SHF: variants seen among roughly 807,000 people sequenced by gnomAD.
The protein encoded by SHF is Src homology 2 domain containing F.
In SHF, 30 loss-of-function variants were observed where a neutral mutation model predicts 42.4. That is an observed-to-expected ratio of 0.71 (90% CI 0.53 to 0.96). The LOEUF is 0.96. Among genes scored for constraint, SHF ranks in the 40% least tolerant of loss-of-function variants. The pLI is 0.00. For missense variants in SHF, 598 were observed against 634.0 expected (o/e 0.94, Z 0.61); for synonymous variants, 264 against 269.9 (o/e 0.98, Z 0.21).
In SHF at chr15:45,172,017, G is replaced by C; in HGVS notation, c.1161-15C>G. 2 of 1,613,914 alleles carry C rather than the reference G, an allele frequency of 1.2e-6. No homozygotes were observed. The highest frequency in any genetic ancestry group is 1.7e-6 in the Non-Finnish European group (2 of 1,179,842). Reference sequence around the variant, plus strand: ...CGTGATACCAGCTAAGGATGAGAGAGAGGAAGGGGGGCATCTCTGCTGGGT... The same window carrying C: ...CGTGATACCAGCTAAGGATGAGAGACAGGAAGGGGGGCATCTCTGCTGGGT... On this transcript the variant is annotated splice_polypyrimidine_tract_variant and intron_variant, in intron 5 of 6. Transcript: ENST00000690270.
At chr15:45,175,560 C>T in intron 2 of SHF, 135 bp from the exon 3 acceptor site, 1 of 852,084 alleles carries the variant, frequency 1.2e-6, no homozygotes, top group Non-Finnish European at 1.8e-6. Context: ...GCTCAGCAAC[C>T]ACACATCCTG....
Position 45,178,188 on chromosome 15 carries a change from T to C in SHF, c.617A>G (p.Tyr206Cys). 1 of 1,613,314 alleles carries C rather than the reference T, an allele frequency of 6.2e-7. No individual in the cohort carries two copies. The highest frequency in any genetic ancestry group is 8.5e-7 in the Non-Finnish European group (1 of 1,179,866). ...ACCGGCCATCATCTTTTGAGCCTCATAGGGCTCCATGTAGCCATCATTTTC... is the reference window on the plus strand; with the variant it reads ...ACCGGCCATCATCTTTTGAGCCTCACAGGGCTCCATGTAGCCATCATTTTC... ...VPENDGYMEPYEAQKMMAEIR... is the reference protein window; with the variant it reads ...VPENDGYMEPCEAQKMMAEIR... The change falls in exon 2 of 7, where the codon TAT (tyrosine) becomes TGT (cysteine). Residue 206 changes from tyrosine (Y) to cysteine (C), a missense_variant. This residue lies in a region of SHF where 439 missense variants were observed against 524.6 expected (regional missense o/e 0.84). Coordinates refer to ENST00000690270, the MANE Select transcript of SHF (RefSeq NM_001394037.1).
At chr15:45,179,240 G>A (rs2141378302) in intron 1 of SHF, among the ~76,000 whole-genome samples, 1 of 152,360 alleles carries the variant, frequency 6.6e-6, no homozygotes, top group East Asian at 1.9e-4. Context: ...AGGAAGTTAG[G>A]GAACATGTCC....
chr15:45,196,338 C>T (rs969510932), intron 2 of SHF, among the ~76,000 whole-genome samples: 4 of 152,200 alleles, frequency 2.6e-5, no homozygotes, highest in Non-Finnish European at 1.5e-5. Flanking sequence ...AGGTGATCCA[C>T]CTGCCTCGGC....
At chr15:45,173,148 T>G (rs1897601837) in intron 4 of SHF, among the ~76,000 whole-genome samples, 2 of 152,240 alleles carry the variant, frequency 1.3e-5, no homozygotes, top group South Asian at 4.1e-4. Context: ...TTTCTCCTCA[T>G]TTGGGCTCTT....
intron 1 of SHF, among the ~76,000 whole-genome samples, chr15:45,187,104 C>A (rs1022095054): frequency 3.9e-5 from 6 of 152,232 alleles, no homozygotes; most frequent in African/African-American, 1.4e-4. Flanking sequence ...AGGCCATCAA[C>A]CAGTGGGGGT....
At chr15:45,175,841 C>T (rs2467819) in intron 2 of SHF, among the ~76,000 whole-genome samples, 56,832 of 141,960 alleles carry the variant, frequency 0.4, 13,860 homozygotes, top group Non-Finnish European at 0.56. Context: ...TTTTTTGAGA[C>T]GGAATCTTGC....
intron 1 of SHF, among the ~76,000 whole-genome samples, chr15:45,185,697 C>T (rs1898357715): frequency 6.6e-6 from 1 of 152,188 alleles, no homozygotes; most frequent in African/African-American, 2.4e-5. Context: ...CAAGCTGAGG[C>T]ATGGAGGCCC....
rs1454031316 is a variant in SHF at position 45,178,164 on chromosome 15, C to T, written c.640+1G>A. On this transcript the variant is annotated splice_donor_variant, in intron 2 of 6. Coordinates refer to ENST00000690270, the MANE Select transcript of SHF (RefSeq NM_001394037.1). LOFTEE classifies it high-confidence loss of function. ...GCACCTCCCCTGCCCCTGTCACTCA[C>T]CGGCCATCATCTTTTGAGCCTCATA... The T allele has an allele frequency of 6.2e-7, 1 of 1,611,970 alleles. No homozygotes were observed. Among genetic ancestry groups the T allele is most frequent in the Admixed American group, 1.7e-5 (1 of 59,922 alleles).
At chr15:45,184,953 C>T (rs560839987) in intron 1 of SHF, among the ~76,000 whole-genome samples, 1 of 152,364 alleles carries the variant, frequency 6.6e-6, no homozygotes, top group Non-Finnish European at 1.5e-5. Flanking sequence ...CAGCCAGAAC[C>T]CCACATGGGG....
At chr15:45,173,974 G>T (rs1897660867) in intron 3 of SHF, among the ~76,000 whole-genome samples, 1 of 152,170 alleles carries the variant, frequency 6.6e-6, no homozygotes, top group Non-Finnish European at 1.5e-5. Context: ...GGCTTGCACT[G>T]TCAGCCCGTG....
rs1053810645 is a variant in SHF at position 45,187,773 on chromosome 15, C to G, written c.179G>C (p.Gly60Ala). ...CTTGCTGCCCCCTCCGCCGCCGCCCCCCCCGCGGAAGCCCAGGTGCTCCCG... is the reference window on the plus strand; with the variant it reads ...CTTGCTGCCCCCTCCGCCGCCGCCCGCCCCGCGGAAGCCCAGGTGCTCCCG... The part of the protein sequence containing the change: ...WLREHLGFRG[G>A]GGGGGGSKPA... Residue 60 changes from glycine to alanine, a missense_variant, in exon 1 of 7, where the codon GGG (glycine) becomes GCG (alanine). By Grantham distance (60) the Gly-to-Ala change is moderately conservative. This residue lies in a region of SHF where 159 missense variants were observed against 109.3 expected (regional missense o/e 1.45). Coordinates refer to ENST00000690270, the MANE Select transcript of SHF (RefSeq NM_001394037.1). The G allele has an allele frequency of 3.3e-6, 3 of 900,592 alleles. No individual in the cohort carries two copies. The highest frequency in any genetic ancestry group is 1.8e-5 in the African/African-American group (1 of 56,978). The allele number at this position is 900,592 out of a possible 1,614,324, so 55.8% of individuals were successfully genotyped here. A position where few individuals can be genotyped will look rare whatever the true frequency, so the allele number is the denominator to read the frequency against.
rs573135782 is a variant in SHF, at chr15:45,177,063, T to C, written c.640+1102A>G. On this transcript the variant is annotated intron_variant, in intron 2 of 6. Coordinates refer to ENST00000690270, the MANE Select transcript of SHF (RefSeq NM_001394037.1). ...ATGGAATAATAGTCCTGGGATATTCTTGACCACTCTCTGCCTCCCTTACCA... is the reference window on the plus strand; with the variant it reads ...ATGGAATAATAGTCCTGGGATATTCCTGACCACTCTCTGCCTCCCTTACCA... Among the ~76,000 whole-genome samples, 8 of 152,372 alleles carry C rather than the reference T, an allele frequency of 5.3e-5. No individual in the cohort carries two copies. In the South Asian group the frequency reaches 1.7e-3, roughly 32 times the overall value.
At chr15:45,182,514 G>A (rs1898181805) in intron 1 of SHF, among the ~76,000 whole-genome samples, 1 of 152,212 alleles carries the variant, frequency 6.6e-6, no homozygotes, top group African/African-American at 2.4e-5. Context: ...TCAGAGTTTA[G>A]ATGCTTGTCC....
chr15:45,187,774 C>T lies in SHF; in HGVS notation c.178G>A (p.Gly60Arg). Residue 60 changes from glycine to arginine, a missense_variant, in exon 1 of 7, where the codon GGG becomes AGG. This residue lies in a region of SHF where 159 missense variants were observed against 109.3 expected (regional missense o/e 1.45). Transcript: ENST00000690270. ...WLREHLGFRG[G>R]GGGGGGSKPA... The stretch of plus-strand genomic sequence containing the variant: ...TTGCTGCCCCCTCCGCCGCCGCCCC[C>T]CCCGCGGAAGCCCAGGTGCTCCCGG... 3 of 895,502 alleles carry T rather than the reference C, an allele frequency of 3.4e-6. No homozygotes were observed. Among genetic ancestry groups the T allele is most frequent in the Non-Finnish European group, 4.3e-6 (3 of 690,338 alleles). The allele number at this position is 895,502 out of a possible 1,614,324, so 55.5% of individuals were successfully genotyped here.
chr15:45,186,015 C>A (rs1898377512), intron 1 of SHF, among the ~76,000 whole-genome samples: 2 of 152,198 alleles, frequency 1.3e-5, no homozygotes, highest in South Asian at 4.1e-4. Context: ...ACAGCTCAGG[C>A]CCATGTTGCC....
intron 1 of SHF, chr15:45,200,587 C>T: frequency 2.6e-6 from 1 of 387,732 alleles, no homozygotes; most frequent in Non-Finnish European, 5.1e-6. Flanking sequence ...TTGTTCTAGC[C>T]TATCTCCACC....
Position 45,187,871 on chromosome 15 carries a change from C to A in SHF, c.81G>T (p.Gly27=). The change falls in exon 1 of 7, where the codon GGG becomes GGT. Residue 27 remains glycine, a synonymous_variant. Transcript: ENST00000690270. ...TQGSAGGGPG[G]SRRGAGGAGA... The stretch of plus-strand genomic sequence containing the variant: ...CCGCACCCCCGGCGCCCCGGCGGGA[C>A]CCCCCCGGGCCGCCCCCAGCGCTCC... The A allele has an allele frequency of 8.9e-7, 1 of 1,125,794 alleles. No individual in the cohort carries two copies. Among genetic ancestry groups the A allele is most frequent in the Non-Finnish European group, 1.1e-6 (1 of 904,906 alleles). The allele number at this position is 1,125,794 out of a possible 1,614,324, so 69.7% of individuals were successfully genotyped here.
upstream of SHF, among the ~76,000 whole-genome samples, chr15:45,189,192 CAAAAAAAA>C (rs1166122506): frequency 8.5e-5 from 5 of 58,566 alleles, no homozygotes; most frequent in Non-Finnish European, 1.4e-4. Flanking sequence ...GACTCCGTCT[CAAAAAAAA>C]AAAAAAAAGA....
Sources: gnomAD v4.1 joint callset for allele counts (sites outside exome capture counted in the v4.1 genomes callset) on GRCh38, gnomAD v4.1.1 for gene constraint, gnomAD v4.1.1 regional missense constraint, MANE v1.5 for transcripts, NCBI Gene and HGNC (gene_info 2026-07-23, HGNC 2026-07-21) for gene names.